The following ASAP1 variants were observed in gnomAD, a reference collection of about 807,000 sequenced individuals.
The protein encoded by ASAP1 is arf-GAP with SH3 domain, ANK repeat and PH domain-containing protein 1.
ASAP1 carries 43 observed loss-of-function variants against 145.2 expected under a neutral mutation model. The ratio of observed to expected loss-of-function variants is 0.30; its 90% confidence interval spans 0.23 to 0.38. ASAP1 has a LOEUF of 0.38. Among genes scored for constraint, ASAP1 ranks in the 10% least tolerant of loss-of-function variants. The pLI is 1.00. For missense variants in ASAP1, 1,018 were observed against 1,355.3 expected (o/e 0.75, Z 3.91); for synonymous variants, 546 against 515.5 (o/e 1.06, Z -0.80).
chr8:130,139,861 A>G (rs1051720502), intron 13 of ASAP1, among the ~76,000 whole-genome samples: 3 of 150,460 alleles, frequency 2.0e-5, no homozygotes, highest in African/African-American at 7.3e-5. Context: ...CAAAATCTAG[A>G]TTTCTCCGGT....
chr8:130,341,677 A>G (rs533923321), intron 3 of ASAP1, among the ~76,000 whole-genome samples: 12 of 152,328 alleles, frequency 7.9e-5, no homozygotes, highest in African/African-American at 2.9e-4. Flanking sequence ...GCAAAGATTA[A>G]ATAATTCCGT....
intron 4 of ASAP1, among the ~76,000 whole-genome samples, chr8:130,228,981 C>G (rs1208043893): frequency 6.6e-6 from 1 of 152,146 alleles, no homozygotes; most frequent in African/African-American, 2.4e-5. Context: ...AAGTACATGT[C>G]TGATCAATTA....
rs1830567347 is a variant in ASAP1 at position 130,443,541 on chromosome 8, C to A, written c.-109G>T. 6.6e-6 allele frequency: 1 copy of A among 150,894 alleles called. No individual in the cohort carries two copies. The highest frequency in any genetic ancestry group is 1.9e-4 in the East Asian group (1 of 5,162). The allele number at this position is 150,894 out of a possible 1,614,324, so 9.3% of individuals were successfully genotyped here. On this transcript the variant is annotated 5_prime_UTR_variant, in exon 1 of 30. Coordinates refer to ENST00000518721, the MANE Select transcript of ASAP1 (RefSeq NM_018482.4). ...GGCTCTCGGGTGGGAAAGCGAACTG[C>A]GACCGGGAAGCGCCGGCTGGGCGGG...
chr8:130,125,391 C>A lies in ASAP1; in HGVS notation c.1515+565G>T, dbSNP rs901473780. 3.3e-5 allele frequency among the ~76,000 whole-genome samples: 5 copies of A among 152,082 alleles called. No homozygotes were observed. In the South Asian group the frequency reaches 1.0e-3, roughly 32 times the overall value. On this transcript the variant is annotated intron_variant, in intron 17 of 29. Coordinates refer to ENST00000518721, the MANE Select transcript of ASAP1 (RefSeq NM_018482.4). Reference sequence around the variant, plus strand: ...GGGAAGGGCAGAGGTTAAAGGAAAACAAGTTTAAGTGTACATAACCCCTTT... The same window carrying A: ...GGGAAGGGCAGAGGTTAAAGGAAAAAAAGTTTAAGTGTACATAACCCCTTT...
chr8:130,057,447 T>C (rs2097406606), intron 29 of ASAP1, among the ~76,000 whole-genome samples: 2 of 150,896 alleles, frequency 1.3e-5, no homozygotes, highest in Admixed American at 1.3e-4. Context: ...CAAAGCCCCA[T>C]GGCTGTTTTT....
chr8:130,115,606 C>T (rs577418517), intron 23 of ASAP1, 22 bp downstream of exon 23: 14 of 1,570,756 alleles, frequency 8.9e-6, no homozygotes, highest in South Asian at 7.8e-5. Context: ...GTTGAGAATT[C>T]GAGGACATAA....
At chr8:130,242,671 T>A (rs910124410) in intron 3 of ASAP1, among the ~76,000 whole-genome samples, 2 of 152,140 alleles carry the variant, frequency 1.3e-5, no homozygotes, top group African/African-American at 4.8e-5. Flanking sequence ...ATTGTAAATC[T>A]CCATATGCTA....
intron 2 of ASAP1, among the ~76,000 whole-genome samples, chr8:130,377,239 G>A (rs1230904497): frequency 6.6e-6 from 1 of 151,884 alleles, no homozygotes; most frequent in Admixed American, 6.6e-5. Context: ...GTAGGAAGGG[G>A]GTGAGGAATA....
chr8:130,383,607 G>A (rs559924035), intron 2 of ASAP1, among the ~76,000 whole-genome samples: 2 of 152,218 alleles, frequency 1.3e-5, no homozygotes, highest in East Asian at 1.9e-4. Flanking sequence ...ATGAGGAAAC[G>A]AGGGTCACAG....
At chr8:130,137,847 C>A (rs971300059) in intron 13 of ASAP1, among the ~76,000 whole-genome samples, 1 of 152,174 alleles carries the variant, frequency 6.6e-6, no homozygotes, top group Non-Finnish European at 1.5e-5. Context: ...TCCTGCCTGC[C>A]CATGTTCAAG....
At chr8:130,407,454 T>C (rs891161657) in intron 1 of ASAP1, among the ~76,000 whole-genome samples, 1 of 152,216 alleles carries the variant, frequency 6.6e-6, no homozygotes, top group African/African-American at 2.4e-5. Flanking sequence ...CTCAAAGACA[T>C]GAGCAGGGGA....
chr8:130,150,967 C>G (rs141792329), intron 13 of ASAP1, among the ~76,000 whole-genome samples: 1 of 152,190 alleles, frequency 6.6e-6, no homozygotes, highest in Non-Finnish European at 1.5e-5. Context: ...CTGGCATACA[C>G]AGATGACTGT....
intron 3 of ASAP1, among the ~76,000 whole-genome samples, chr8:130,300,137 CACACACACACACACACAGAGAGAG>C (rs1394501882): frequency 2.5e-5 from 3 of 118,456 alleles, no homozygotes; most frequent in Admixed American, 8.7e-5. Flanking sequence ...CACACACACA[CACACACACACACACACAGAGAGAG>C]AGAGAGAGAG....
intron 24 of ASAP1, among the ~76,000 whole-genome samples, chr8:130,109,760 T>C (rs1208328879): frequency 6.6e-6 from 1 of 152,196 alleles, no homozygotes; most frequent in Non-Finnish European, 1.5e-5. Flanking sequence ...ATTATCAGTT[T>C]TCCAAATGTA....
intron 3 of ASAP1, among the ~76,000 whole-genome samples, chr8:130,331,430 G>A (rs1304413636): frequency 6.6e-6 from 1 of 152,062 alleles, no homozygotes; most frequent in Non-Finnish European, 1.5e-5. Flanking sequence ...CACTTCCCTG[G>A]GCATCAGCTG....
At chr8:130,316,858 G>C (rs1189256744) in intron 3 of ASAP1, among the ~76,000 whole-genome samples, 1 of 152,234 alleles carries the variant, frequency 6.6e-6, no homozygotes, top group Non-Finnish European at 1.5e-5. Flanking sequence ...GCAGCTCAAT[G>C]TAAATAATTA....
At chr8:130,417,615 A>AG (rs1282107010) in intron 1 of ASAP1, among the ~76,000 whole-genome samples, 17 of 150,712 alleles carry the variant, frequency 1.1e-4, no homozygotes, top group Admixed American at 2.0e-4. Context: ...TCCTGGCTTC[A>AG]GGGGAAAAAA....
intron 1 of ASAP1, among the ~76,000 whole-genome samples, chr8:130,426,855 C>G (rs918697298): frequency 2.0e-5 from 3 of 152,196 alleles, no homozygotes; most frequent in African/African-American, 7.2e-5. Flanking sequence ...TTTGTCGTCT[C>G]ACACACCATC....
intron 13 of ASAP1, among the ~76,000 whole-genome samples, chr8:130,151,110 C>T (rs1253162580): frequency 2.6e-5 from 4 of 151,594 alleles, no homozygotes; most frequent in African/African-American, 9.7e-5. Flanking sequence ...TGCAGGCTCA[C>T]GCCTGTAATC....
Sources: allele counts gnomAD v4.1 joint callset (sites outside exome capture counted in the v4.1 genomes callset), GRCh38; gene constraint gnomAD v4.1.1; transcripts MANE v1.5; gene names NCBI Gene and HGNC (gene_info 2026-07-23, HGNC 2026-07-21).